SUSD2: variants seen among roughly 807,000 people sequenced by gnomAD.
The protein encoded by SUSD2 is sushi domain-containing protein 2.
SUSD2 carries 86 observed loss-of-function variants against 93.8 expected under a neutral mutation model. The ratio of observed to expected loss-of-function variants is 0.92; its 90% CI spans 0.77 to 1.10. SUSD2 has a LOEUF of 1.10. Among genes scored for constraint, SUSD2 ranks in the 50% least tolerant of loss-of-function variants. The pLI is 0.00. For synonymous variants in SUSD2, 483 were observed against 485.0 expected, an observed-to-expected ratio of 1.00 and a Z score of 0.05; for missense variants, 1,060 against 1,137.0, an observed-to-expected ratio of 0.93 and a Z score of 0.97.
rs1463207196 is a variant in SUSD2, at chr22:24,181,499, G to A, written c.-21G>A. 2 of 1,547,468 alleles carry A rather than the reference G, an allele frequency of 1.3e-6. No homozygotes were observed. The highest frequency in any genetic ancestry group is 1.7e-6 in the Non-Finnish European group (2 of 1,149,008). ...TCGCCTCGGAGCCACTGCACTGCTG[G>A]CTGCAGACACAGGCTGCACCATGAA... On this transcript the variant is annotated 5_prime_UTR_variant, in exon 1 of 15. Transcript: ENST00000358321.
Position 24,189,009 on chromosome 22 carries a change from T to C in SUSD2, c.*573T>C, listed in dbSNP as rs945674030. ...AGACCCCCAGCGGCAGAGGCCTCCCTCGGCACTCCAGGCTTATAATTTCGA... is the reference window on the plus strand; with the variant it reads ...AGACCCCCAGCGGCAGAGGCCTCCCCCGGCACTCCAGGCTTATAATTTCGA... On this transcript the variant is annotated 3_prime_UTR_variant, in exon 15 of 15. Transcript: ENST00000358321. 2.0e-5 allele frequency: 3 copies of C among 152,584 alleles called. No individual in the cohort carries two copies. Among genetic ancestry groups the C allele is most frequent in the African/African-American group, 7.2e-5 (3 of 41,438 alleles). The allele number at this position is 152,584 out of a possible 1,614,324, so 9.5% of individuals were successfully genotyped here.
At chr22:24,184,326 G>A in intron 4 of SUSD2, 23 bp downstream of exon 4, 1 of 1,610,416 alleles carries the variant, frequency 6.2e-7, no homozygotes, top group Non-Finnish European at 8.5e-7. Context: ...GAGGGCTGGG[G>A]TGGCATCAGA....
intron 10 of SUSD2, 109 bp downstream of exon 10, chr22:24,186,524 A>G: frequency 2.9e-6 from 4 of 1,392,530 alleles, no homozygotes; most frequent in Non-Finnish European, 3.9e-6. Flanking sequence ...AGTCCTGGCT[A>G]GAGGCCTGGG....
At position 24,186,149 on chromosome 22, in the gene SUSD2, G is replaced by C. The variant is rs930131299; in HGVS notation, c.1473G>C (p.Thr491=). The C allele has an allele frequency of 1.2e-6, 2 of 1,609,102 alleles. No homozygotes were observed. Among genetic ancestry groups the C allele is most frequent in the African/African-American group, 1.3e-5 (1 of 74,876 alleles). Residue 491 remains threonine, a synonymous_variant, in exon 9 of 15, where the codon ACG becomes ACC. Coordinates refer to ENST00000358321, the MANE Select transcript of SUSD2 (RefSeq NM_019601.4). The stretch of plus-strand genomic sequence containing the variant: ...TGCAGGCGCGGGCCCAGCCCGGGAC[G>C]ATGTCCAACGGTGAGGCCAGGGCTA... The part of the protein sequence containing the change: ...LRVQARAQPG[T]MSNGTETRGT...
intron 10 of SUSD2, chr22:24,186,972 G>T: frequency 1.7e-6 from 1 of 598,624 alleles, no homozygotes; most frequent in Non-Finnish European, 3.0e-6. Context: ...ATCTCAACAT[G>T]GGGGATTCAC....
In SUSD2 at chr22:24,181,494, T is replaced by C. The variant is rs1476716381; in HGVS notation, c.-26T>C. The C allele has an allele frequency of 3.2e-6, 5 of 1,539,590 alleles. No homozygotes were observed. The highest frequency in any genetic ancestry group is 4.4e-6 in the Non-Finnish European group (5 of 1,144,036). On this transcript the variant is annotated 5_prime_UTR_variant, in exon 1 of 15. Transcript: ENST00000358321. ...CCGCCTCGCCTCGGAGCCACTGCAC[T>C]GCTGGCTGCAGACACAGGCTGCACC...
chr22:24,184,017 A>T, intron 3 of SUSD2, 119 bp from the exon 4 acceptor site: 1 of 993,482 alleles, frequency 1.0e-6, no homozygotes, highest in Admixed American at 2.2e-5. Context: ...CAGAGAGACC[A>T]TCACCCAGCT....
At chr22:24,185,027 G>T (rs1452780710) in intron 5 of SUSD2, 67 bp from the exon 6 acceptor site, 3 of 1,610,294 alleles carry the variant, frequency 1.9e-6, no homozygotes, top group Non-Finnish European at 2.5e-6. Context: ...CAGGCTGGGG[G>T]TGGGGAGAGT....
chr22:24,186,078 C>T lies in SUSD2; in HGVS notation c.1402C>T (p.Arg468Cys), dbSNP rs1032856159. 15 of 1,612,716 alleles carry T rather than the reference C, an allele frequency of 9.3e-6. No individual in the cohort carries two copies. Among genetic ancestry groups the T allele is most frequent in the African/African-American group, 4.0e-5 (3 of 74,944 alleles). ...FDGTNFTFNG[R>C]GEYVLLEAAL... ...CGGCACCAACTTCACATTCAATGGG[C>T]GCGGAGAGTACGTGCTGCTGGAGGC... The change falls in exon 9 of 15, where the codon CGC becomes TGC. Residue 468 changes from arginine (R) to cysteine (C), a missense_variant. Arg to Cys is a radical substitution (Grantham distance 180). Around this residue, in one of 2 missense-constraint regions of SUSD2, gnomAD observed 973 missense variants for 1,005.3 expected, o/e 0.97. Transcript: ENST00000358321.
rs2047384149 is a variant in SUSD2, at chr22:24,188,261, G to A, written c.2378G>A (p.Gly793Glu). The A allele has an allele frequency of 6.2e-7, 1 of 1,604,500 alleles. No individual in the cohort carries two copies. Reference protein sequence around the residue: ...SYAVLLGIIFGGLAVVAAVAL... With the variant: ...SYAVLLGIIFEGLAVVAAVAL... ...GCGGTGCTGTTGGGCATCATCTTTG[G>A]GGGCCTCGCGGTGGTGGCGGCGGTT... Residue 793 changes from glycine to glutamate, a missense_variant, in exon 14 of 15, where the codon GGG becomes GAG. Transcript: ENST00000358321. The surrounding 1 kb of genome is among the most constrained non-coding windows in gnomAD (Gnocchi z 4.7).
rs550124064 is a variant in SUSD2, at chr22:24,183,136, C to T, written c.156C>T (p.Gly52=). 6.2e-7 allele frequency: 1 copy of T among 1,614,056 alleles called. No homozygotes were observed. Residue 52 remains glycine, a synonymous_variant, in exon 2 of 15, where the codon GGC becomes GGT. Coordinates refer to ENST00000358321, the MANE Select transcript of SUSD2 (RefSeq NM_019601.4). ...GCCACCCGACGTGCTCTGGCCTTGG[C>T]ACCTGCTGCTTGGATTTCCGGGACT... ...CSCHPTCSGL[G]TCCLDFRDFC... is the part of the protein sequence containing the mutation.
At position 24,185,782 on chromosome 22, in the gene SUSD2, C is replaced by T. The variant is rs758581195; in HGVS notation, c.1192C>T (p.Arg398Cys). 28 of 1,610,194 alleles carry T rather than the reference C, an allele frequency of 1.7e-5. No individual in the cohort carries two copies. The highest frequency in any genetic ancestry group is 1.2e-4 in the South Asian group (11 of 90,502). Residue 398 changes from arginine (R) to cysteine (C), a missense_variant, in exon 8 of 15, where the codon CGC becomes TGC. Arg to Cys is a radical substitution (Grantham distance 180). Transcript: ENST00000358321. ...CCATGACTGGGGCGCACCCCCGTTC[C>T]GCACGCCACCCCGAGTGCCCAGCAT... is the stretch of plus-strand genomic sequence containing the variant. ...RGHDWGAPPF[R>C]TPPRVPSMSH...
At position 24,183,115 on chromosome 22, in the gene SUSD2, C is replaced by T. The variant is rs1233358990; in HGVS notation, c.135C>T (p.His45=). Reference sequence around the variant, plus strand: ...CCCTGGACGGGCCATGTTCCTGCCACCCGACGTGCTCTGGCCTTGGCACCT... The same window carrying T: ...CCCTGGACGGGCCATGTTCCTGCCATCCGACGTGCTCTGGCCTTGGCACCT... ...CGALDGPCSC[H]PTCSGLGTCC... The change falls in exon 2 of 15, where the codon CAC becomes CAT. Residue 45 remains histidine (H), a synonymous_variant. Coordinates refer to ENST00000358321, the MANE Select transcript of SUSD2 (RefSeq NM_019601.4). The T allele has an allele frequency of 6.2e-7, 1 of 1,613,942 alleles. No individual in the cohort carries two copies. Among genetic ancestry groups the T allele is most frequent in the African/African-American group, 1.3e-5 (1 of 74,952 alleles).
chr22:24,181,697 G>T, intron 1 of SUSD2, 102 bp downstream of exon 1: 1 of 906,262 alleles, frequency 1.1e-6, no homozygotes, highest in Non-Finnish European at 1.6e-6. Flanking sequence ...CCATCTGTCA[G>T]GCCATCTGTG....
Position 24,188,814 on chromosome 22 carries a change from C to G in SUSD2, c.*378C>G, listed in dbSNP as rs1164476981. The G allele has an allele frequency of 4.6e-6, 1 of 215,694 alleles. No individual in the cohort carries two copies. Among genetic ancestry groups the G allele is most frequent in the East Asian group, 1.2e-4 (1 of 8,274 alleles). The allele number at this position is 215,694 out of a possible 1,614,324, so 13.4% of individuals were successfully genotyped here. A position where few individuals can be genotyped will look rare whatever the true frequency, so the allele number is the denominator to read the frequency against. Reference sequence around the variant, plus strand: ...GACCCCTGAGCCTCAGATTCCAATACCTCACTCCCCAGAGCCTGATGCCGG... The same window carrying G: ...GACCCCTGAGCCTCAGATTCCAATAGCTCACTCCCCAGAGCCTGATGCCGG... On this transcript the variant is annotated 3_prime_UTR_variant, in exon 15 of 15. Coordinates refer to ENST00000358321, the MANE Select transcript of SUSD2 (RefSeq NM_019601.4). The surrounding 1 kb of genome is among the most constrained non-coding windows in gnomAD (Gnocchi z 4.7).
chr22:24,186,117 C>G lies in SUSD2; in HGVS notation c.1441C>G (p.Leu481Val). The change falls in exon 9 of 15, where the codon CTG (leucine) becomes GTG (valine). Residue 481 changes from leucine (L) to valine (V), a missense_variant. By Grantham distance (32) the Leu-to-Val change is conservative. This residue lies in a region of SUSD2 where 973 missense variants were observed against 1,005.3 expected (regional missense o/e 0.97). Transcript: ENST00000358321. ...GCTGCTGGAGGCAGCGCTGACCGAC[C>G]TGAGGGTGCAGGCGCGGGCCCAGCC... ...YVLLEAALTDLRVQARAQPGT... is the reference protein window; with the variant it reads ...YVLLEAALTDVRVQARAQPGT... 6.2e-7 allele frequency: 1 copy of G among 1,612,314 alleles called. No individual in the cohort carries two copies. Among genetic ancestry groups the G allele is most frequent in the South Asian group, 1.1e-5 (1 of 91,038 alleles).
In SUSD2 at chr22:24,186,549, G is replaced by A. The variant is rs927003129; in HGVS notation, c.1642+134G>A. 5 of 1,095,362 alleles carry A rather than the reference G, an allele frequency of 4.6e-6. No homozygotes were observed. The African/African-American group carries it at 7.9e-5, about 17-fold the overall frequency. 67.9% of individuals were successfully genotyped at this position (1,095,362 alleles called of 1,614,324 possible). A position where few individuals can be genotyped will look rare whatever the true frequency, so the allele number is the denominator to read the frequency against. On this transcript the variant is annotated intron_variant, in intron 10 of 14. Transcript: ENST00000358321. ...AGAGGCCTGGGTGGTCCGACCTCAGGCCTTCACACCCACCGAGGTGCCCCC... is the reference window on the plus strand; with the variant it reads ...AGAGGCCTGGGTGGTCCGACCTCAGACCTTCACACCCACCGAGGTGCCCCC...
rs116753966 is a variant in SUSD2 at position 24,182,835 on chromosome 22, A to G, written c.77-222A>G. 3,330 of 565,388 alleles carry G rather than the reference A, an allele frequency of 5.9e-3. 95 individuals are homozygous for G. The highest frequency in any genetic ancestry group is 0.056 in the African/African-American group (2,981 of 53,314). The allele number at this position is 565,388 out of a possible 1,614,324, so 35.0% of individuals were successfully genotyped here. Reference sequence around the variant, plus strand: ...TCTTCTCGCTGCATTCTAGCCCGTCAGTCAGGGCAACAGCCAGATGGTCTG... The same window carrying G: ...TCTTCTCGCTGCATTCTAGCCCGTCGGTCAGGGCAACAGCCAGATGGTCTG... On this transcript the variant is annotated intron_variant, in intron 1 of 14. Coordinates refer to ENST00000358321, the MANE Select transcript of SUSD2 (RefSeq NM_019601.4).
Position 24,183,285 on chromosome 22 carries a change from G to C in SUSD2, c.287+18G>C, listed in dbSNP as rs760324191. 1.9e-5 allele frequency: 30 copies of C among 1,603,622 alleles called. No individual in the cohort carries two copies. The highest frequency in any genetic ancestry group is 2.6e-5 in the Non-Finnish European group (30 of 1,173,136). On this transcript the variant is annotated intron_variant, in intron 2 of 14. Coordinates refer to ENST00000358321, the MANE Select transcript of SUSD2 (RefSeq NM_019601.4). The stretch of plus-strand genomic sequence containing the variant: ...ATCTGCAGGTTGGGAGGCCCAGGAG[G>C]CCGGGCACTGGGGCCCCACGCCCCC...
Sources: allele counts gnomAD v4.1 joint callset, GRCh38; gene constraint gnomAD v4.1.1; regional missense constraint gnomAD v4.1.1; non-coding constraint Gnocchi (gnomAD v3.1); transcripts MANE v1.5; gene names NCBI Gene and HGNC (gene_info 2026-07-23, HGNC 2026-07-21).